AKR1C1: variants seen among roughly 807,000 people sequenced by gnomAD.
The protein encoded by AKR1C1 is 20 alpha-hydroxysteroid dehydrogenase.
AKR1C1 carries 32 observed loss-of-function variants against 40.6 expected under a neutral mutation model. The ratio of observed to expected loss-of-function variants is 0.79; its 90% CI spans 0.60 to 1.06. AKR1C1 has a LOEUF of 1.06. Among genes scored for constraint, AKR1C1 ranks in the 50% least tolerant of loss-of-function variants. The pLI, the probability that AKR1C1 is intolerant of heterozygous loss-of-function variation, is 0.00. For synonymous variants in AKR1C1, 105 were observed against 134.2 expected (o/e 0.78, Z 1.50); for missense variants, 320 against 363.5 (o/e 0.88, Z 0.97).
chr10:4,969,581 G>A lies in AKR1C1; in HGVS notation c.570+637G>A, dbSNP rs146807360. ...TCAGCAGAACATGGAGCTGACCTATGACTGCCCCCGCTCCTAGTTGGCTGC... is the reference window on the plus strand; with the variant it reads ...TCAGCAGAACATGGAGCTGACCTATAACTGCCCCCGCTCCTAGTTGGCTGC... On this transcript the variant is annotated intron_variant, in intron 5 of 8. Coordinates refer to ENST00000380872, the MANE Select transcript of AKR1C1 (RefSeq NM_001353.6). 8.6e-3 allele frequency: 12,303 copies of A among 1,427,906 alleles called. 65 individuals carry two copies. The highest frequency in any genetic ancestry group is 0.018 in the Middle Eastern group (75 of 4,098). The allele number at this position is 1,427,906 out of a possible 1,614,324, so 88.5% of individuals were successfully genotyped here. A position where few individuals can be genotyped will look rare whatever the true frequency, so the allele number is the denominator to read the frequency against.
At position 4,968,844 on chromosome 10, in the gene AKR1C1, C is replaced by A. The variant is rs754620401; in HGVS notation, c.470C>A (p.Ala157Glu). The change falls in exon 5 of 9, where the codon GCA becomes GAA. Residue 157 changes from alanine to glutamate, a missense_variant. By Grantham distance (107) the Ala-to-Glu change is moderately radical (BLOSUM62 -1). Coordinates refer to ENST00000380872, the MANE Select transcript of AKR1C1 (RefSeq NM_001353.6). ...TWEAVEKCKD[A>E]GLAKSIGVSN... Reference sequence around the variant, plus strand: ...CAGGCCGTGGAGAAGTGTAAAGATGCAGGATTGGCCAAGTCCATCGGGGTG... The same window carrying A: ...CAGGCCGTGGAGAAGTGTAAAGATGAAGGATTGGCCAAGTCCATCGGGGTG... The A allele has an allele frequency of 6.2e-7, 1 of 1,614,018 alleles. No individual in the cohort carries two copies. The highest frequency in any genetic ancestry group is 1.3e-5 in the African/African-American group (1 of 74,914).
chr10:4,965,961 TG>T lies in AKR1C1; in HGVS notation c.134del (p.Gly45AlafsTer30), dbSNP rs1255634010. On this transcript the variant is annotated frameshift_variant, in exon 2 of 9. Transcript: ENST00000380872. LOFTEE classifies it high-confidence loss of function. ...LEATKLAIEA[G>X]FRHIDSAHLY... is the part of the protein sequence containing the mutation. ...AGGCCACCAAATTGGCAATTGAAGC[TG>T]GCTTCCGCCATATTGATTCTGCTCA... 1 of 1,614,204 alleles carries T rather than the reference TG, an allele frequency of 6.2e-7. No homozygotes were observed. The highest frequency in any genetic ancestry group is 8.5e-7 in the Non-Finnish European group (1 of 1,180,018).
intron 5 of AKR1C1, among the ~76,000 whole-genome samples, 194 bp downstream of exon 5, chr10:4,969,138 C>T (rs1263893349): frequency 1.3e-5 from 2 of 152,200 alleles, no homozygotes; most frequent in Admixed American, 1.3e-4. Flanking sequence ...GGTGTTGTAA[C>T]TTTGATGCTG....
At chr10:4,966,177 G>A (rs756411955) in intron 2 of AKR1C1, 96 bp downstream of exon 2, 9 of 1,505,584 alleles carry the variant, frequency 6.0e-6, no homozygotes, top group Admixed American at 2.3e-5. Context: ...AGGGTGAATT[G>A]TGCTTATTTA....
Position 4,977,850 on chromosome 10 carries a change from C to G in AKR1C1, c.*108C>G. On this transcript the variant is annotated 3_prime_UTR_variant, in exon 9 of 9. Coordinates refer to ENST00000380872, the MANE Select transcript of AKR1C1 (RefSeq NM_001353.6). ...ACACATCGCCTCTGGTTAAATCTCT[C>G]CTGCTTGGTGATTTCAGCAAGCTAC... 1 of 1,460,552 alleles carries G rather than the reference C, an allele frequency of 6.8e-7. No homozygotes were observed. Among genetic ancestry groups the G allele is most frequent in the Non-Finnish European group, 9.3e-7 (1 of 1,073,012 alleles). 90.5% of individuals were successfully genotyped at this position (1,460,552 alleles called of 1,614,324 possible). A position where few individuals can be genotyped will look rare whatever the true frequency, so the allele number is the denominator to read the frequency against.
chr10:4,983,035 G>C lies in AKR1C1; in HGVS notation c.*5293G>C, dbSNP rs148590071. On this transcript the variant is annotated 3_prime_UTR_variant, in exon 9 of 9. Coordinates refer to ENST00000380872, the MANE Select transcript of AKR1C1 (RefSeq NM_001353.6). The stretch of plus-strand genomic sequence containing the variant: ...GCCACCTCAATCAGAGCTGGTGCTG[G>C]TATCCACTGCTGGGAGACTTGTGCT... The C allele has an allele frequency of 2.4e-6, 1 of 411,482 alleles. No homozygotes were observed. Among genetic ancestry groups the C allele is most frequent in the African/African-American group, 2.1e-5 (1 of 48,764 alleles). The allele number at this position is 411,482 out of a possible 1,614,324, so 25.5% of individuals were successfully genotyped here.
At chr10:4,975,365 C>A (rs1255822288) in intron 7 of AKR1C1, among the ~76,000 whole-genome samples, 2 of 152,126 alleles carry the variant, frequency 1.3e-5, no homozygotes, top group Admixed American at 6.5e-5. Flanking sequence ...AGTGAGAGTA[C>A]CCACACCTTT....
intron 1 of AKR1C1, 82 bp from the exon 2 acceptor site, chr10:4,965,832 T>C (rs1259412459): frequency 1.3e-6 from 2 of 1,508,456 alleles, no homozygotes; most frequent in East Asian, 2.3e-5. Flanking sequence ...GAAAAGCTGA[T>C]TTTTGTGAAC....
Position 4,977,604 on chromosome 10 carries a change from A to C in AKR1C1, c.930-96A>C, listed in dbSNP as rs797023724. ...GCAGTCAGAAAATGAACTTCTTAAC[A>C]TCTACACTAGCGGCAGCTTCCTAGA... On this transcript the variant is annotated intron_variant, in intron 8 of 8. Coordinates refer to ENST00000380872, the MANE Select transcript of AKR1C1 (RefSeq NM_001353.6). 3 of 1,473,768 alleles carry C rather than the reference A, an allele frequency of 2.0e-6. No homozygotes were observed. In the Admixed American group the frequency reaches 5.8e-5, roughly 29 times the overall value. The allele number at this position is 1,473,768 out of a possible 1,614,324, so 91.3% of individuals were successfully genotyped here. A position where few individuals can be genotyped will look rare whatever the true frequency, so the allele number is the denominator to read the frequency against.
intron 8 of AKR1C1, among the ~76,000 whole-genome samples, chr10:4,977,167 T>C (rs1256415669): frequency 6.6e-6 from 1 of 152,248 alleles, no homozygotes; most frequent in East Asian, 1.9e-4. Context: ...GTTTATACAT[T>C]GTAGCTCTTT....
At chr10:4,968,282 T>A in intron 3 of AKR1C1, 27 bp from the exon 4 acceptor site, 1 of 1,451,910 alleles carries the variant, frequency 6.9e-7, no homozygotes, top group Non-Finnish European at 9.3e-7. Flanking sequence ...ACTTGTGACA[T>A]CACTAAACTG....
intron 1 of AKR1C1, chr10:4,965,592 A>T: frequency 5.2e-6 from 1 of 192,528 alleles, no homozygotes; most frequent in Non-Finnish European, 1.1e-5. Flanking sequence ...ACCATACTAA[A>T]AATAATTAAG....
At chr10:4,965,521 C>T (rs1292521379) in intron 1 of AKR1C1, 1 of 155,750 alleles carries the variant, frequency 6.4e-6, no homozygotes, top group East Asian at 1.9e-4. Flanking sequence ...AGCTCGGCCT[C>T]CCAAAGTGCT....
chr10:4,969,659 T>C, intron 5 of AKR1C1: 2 of 1,609,516 alleles, frequency 1.2e-6, no homozygotes, highest in Non-Finnish European at 1.7e-6. Context: ...CTATTCTCTA[T>C]GTGTTCCTTT....
intron 1 of AKR1C1, 153 bp from the exon 2 acceptor site, chr10:4,965,761 A>G (rs1311228965): frequency 2.4e-6 from 2 of 831,814 alleles, no homozygotes; most frequent in African/African-American, 3.5e-5. Context: ...TAACTGGGAA[A>G]GACCCAGGGA....
At chr10:4,966,232 A>C in intron 2 of AKR1C1, 151 bp downstream of exon 2, 1 of 1,366,092 alleles carries the variant, frequency 7.3e-7, no homozygotes, top group Middle Eastern at 1.9e-4. Context: ...CTAATATCAA[A>C]GGCAGGAAGT....
chr10:4,972,468 G>C, intron 6 of AKR1C1, 116 bp from the exon 7 acceptor site: 2 of 1,492,450 alleles, frequency 1.3e-6, no homozygotes, highest in South Asian at 2.5e-5. Context: ...GCTGCTGTTC[G>C]GGGGCCTCGC....
rs1197686887 is a variant in AKR1C1 at position 4,981,557 on chromosome 10, C to T, written c.*3815C>T. On this transcript the variant is annotated 3_prime_UTR_variant, in exon 9 of 9. Coordinates refer to ENST00000380872, the MANE Select transcript of AKR1C1 (RefSeq NM_001353.6). ...TACATTGTGAATTTCTTTTCAAGAACCAATGCAGAGACTTAACAGATATAT... is the reference window on the plus strand; with the variant it reads ...TACATTGTGAATTTCTTTTCAAGAATCAATGCAGAGACTTAACAGATATAT... The T allele has an allele frequency of 6.6e-6, 1 of 152,136 alleles. No homozygotes were observed. Among genetic ancestry groups the T allele is most frequent in the African/African-American group, 2.4e-5 (1 of 41,414 alleles). 9.4% of individuals were successfully genotyped at this position (152,136 alleles called of 1,614,324 possible).
At chr10:4,977,022 C>A (rs1395990589) in intron 8 of AKR1C1, among the ~76,000 whole-genome samples, 2 of 152,088 alleles carry the variant, frequency 1.3e-5, no homozygotes, top group South Asian at 2.1e-4. Context: ...AAACCACTTG[C>A]GAGCTTCCAA....
Sources: gnomAD v4.1 joint callset for allele counts (sites outside exome capture counted in the v4.1 genomes callset) on GRCh38, gnomAD v4.1.1 for gene constraint, MANE v1.5 for transcripts, NCBI Gene and HGNC (gene_info 2026-07-23, HGNC 2026-07-21) for gene names.